Variants in MYH14 observed in about 807,000 individuals in gnomAD.
MYH14 encodes the protein myosin-14.
Under a neutral mutation model 255.5 loss-of-function variants are expected in MYH14, and 123 were observed. That is an observed-to-expected ratio of 0.48 (90% CI 0.42 to 0.56). MYH14 has a LOEUF of 0.56. Ranked by LOEUF, MYH14 falls within the 20% of genes least tolerant of loss-of-function variation. The pLI, the probability that MYH14 is intolerant of heterozygous loss-of-function variation, is 0.00. For synonymous variants in MYH14, 1,095 were observed against 1,161.2 expected, an observed-to-expected ratio of 0.94 and a Z score of 1.16; for missense variants, 2,423 against 2,802.3, an observed-to-expected ratio of 0.86 and a Z score of 3.06.
chr19:50,260,819 G>A lies in MYH14; in HGVS notation c.2424+104G>A, dbSNP rs997502577. ...TGCATATGTGTGCATGCGTGTGTGTGCAAGTGTGTGTGCATGCACGTGTGT... is the reference window on the plus strand; with the variant it reads ...TGCATATGTGTGCATGCGTGTGTGTACAAGTGTGTGTGCATGCACGTGTGT... On this transcript the variant is annotated intron_variant, in intron 20 of 42. Coordinates refer to ENST00000642316, the MANE Select transcript of MYH14 (RefSeq NM_001145809.2). 1.5e-5 allele frequency: 12 copies of A among 799,758 alleles called. 1 individual carries two copies. The African/African-American group carries it at 2.6e-4, about 17-fold the overall frequency. 49.5% of individuals were successfully genotyped at this position (799,758 alleles called of 1,614,324 possible).
In MYH14 at chr19:50,261,517, C is replaced by T; in HGVS notation, c.2467C>T (p.Gln823Ter). ...GGACCCCAACCTCTACCGCGTGGGA[C>T]AGAGCAAGATCTTCTTCCGGGCTGG... ...ELDPNLYRVGQSKIFFRAGVL... is the reference protein window; with the variant it reads ...ELDPNLYRVG The change falls in exon 21 of 43, where the codon CAG (glutamine) becomes TAG (stop). Residue 823 changes from glutamine (Q) to a stop codon, truncating the protein, a stop_gained. Transcript: ENST00000642316. LOFTEE classifies it high-confidence loss of function. 1 of 1,580,158 alleles carries T rather than the reference C, an allele frequency of 6.3e-7. No homozygotes were observed. The highest frequency in any genetic ancestry group is 8.6e-7 in the Non-Finnish European group (1 of 1,168,252).
chr19:50,251,537 C>CT (rs1568500572), intron 15 of MYH14, among the ~76,000 whole-genome samples: 3 of 116,746 alleles, frequency 2.6e-5, no homozygotes, highest in Admixed American at 8.3e-5. Flanking sequence ...CACACACACA[C>CT]ACACACACAC....
intron 20 of MYH14, among the ~76,000 whole-genome samples, 172 bp downstream of exon 20, chr19:50,260,887 ATG>A (rs1191602058): frequency 1.4e-5 from 2 of 146,224 alleles, no homozygotes; most frequent in Non-Finnish European, 3.1e-5. Context: ...GTGTGTGTGC[ATG>A]TGTGTGTGTG....
Position 50,286,635 on chromosome 19 carries a change from C to G in MYH14, c.4693C>G (p.Arg1565Gly). The G allele has an allele frequency of 6.3e-7, 1 of 1,592,284 alleles. No individual in the cohort carries two copies. The highest frequency in any genetic ancestry group is 8.5e-7 in the Non-Finnish European group (1 of 1,169,906). ...EAREELERQN[R>G]ALRAELEALL... The stretch of plus-strand genomic sequence containing the variant: ...ACGTGAGGAGCTGGAGCGGCAGAAC[C>G]GGGCCCTGCGGGCTGAGCTGGAGGC... The change falls in exon 34 of 43, where the codon CGG becomes GGG. Residue 1565 changes from arginine to glycine, a missense_variant. By Grantham distance (125) the Arg-to-Gly change is moderately radical (BLOSUM62 -2). Around this residue, in one of 3 missense-constraint regions of MYH14, gnomAD observed 1,513 missense variants for 1,674.8 expected, o/e 0.90. Transcript: ENST00000642316.
In MYH14 at chr19:50,252,314, C is replaced by T. The variant is rs1418362157; in HGVS notation, c.1831-325C>T. 6.6e-6 allele frequency among the ~76,000 whole-genome samples: 1 copy of T among 152,134 alleles called. No individual in the cohort carries two copies. Among genetic ancestry groups the T allele is most frequent in the Admixed American group, 6.5e-5 (1 of 15,268 alleles). The stretch of plus-strand genomic sequence containing the variant: ...AGACAGAACCCCAGGTGGCAGGAAC[C>T]GCAGGGGTAAAACCCCGAGGTGGGA... On this transcript the variant is annotated intron_variant, in intron 15 of 42. Coordinates refer to ENST00000642316, the MANE Select transcript of MYH14 (RefSeq NM_001145809.2). The surrounding 1 kb of genome is among the most constrained non-coding windows in gnomAD (Gnocchi z 4.2).
At chr19:50,303,345 C>T (rs558326125) in intron 40 of MYH14, among the ~76,000 whole-genome samples, 1 of 152,230 alleles carries the variant, frequency 6.6e-6, no homozygotes, top group South Asian at 2.1e-4. Context: ...CTTGTCTCTG[C>T]TCTATGTGGC....
rs1183310888 is a variant in MYH14 at position 50,210,561 on chromosome 19, G to A, written c.196G>A (p.Glu66Lys). Residue 66 changes from glutamate (E) to lysine (K), a missense_variant, in exon 2 of 43, where the codon GAG (glutamate) becomes AAG (lysine). Transcript: ENST00000642316. ...VWVPSELHGF[E>K]AAALRDEGEE... ...GGTGCCTTCGGAGCTTCACGGGTTC[G>A]AGGCGGCGGCGCTGCGGGACGAAGG... 1 of 1,582,070 alleles carries A rather than the reference G, an allele frequency of 6.3e-7. No homozygotes were observed. Among genetic ancestry groups the A allele is most frequent in the Non-Finnish European group, 8.6e-7 (1 of 1,165,240 alleles).
At chr19:50,251,395 C>T (rs1024745384) in intron 15 of MYH14, among the ~76,000 whole-genome samples, 1 of 152,002 alleles carries the variant, frequency 6.6e-6, no homozygotes. Context: ...TTCGAGGGCT[C>T]TCTTGCCCCC....
chr19:50,265,475 G>T (rs1201567428), intron 22 of MYH14, among the ~76,000 whole-genome samples: 1 of 152,124 alleles, frequency 6.6e-6, no homozygotes, highest in Non-Finnish European at 1.5e-5. Flanking sequence ...TCGCATCACT[G>T]CACTACAGCT....
At chr19:50,205,067 A>G (rs1299704149) in intron 1 of MYH14, among the ~76,000 whole-genome samples, 2 of 151,994 alleles carry the variant, frequency 1.3e-5, no homozygotes, top group Non-Finnish European at 2.9e-5. Flanking sequence ...CTTACTGTCT[A>G]TAGATTTTGT....
intron 1 of MYH14, among the ~76,000 whole-genome samples, chr19:50,206,135 A>G (rs1194142966): frequency 6.6e-6 from 1 of 151,740 alleles, no homozygotes; most frequent in East Asian, 2.0e-4. Context: ...GCTGTGATCC[A>G]TCTTCAGAAC....
chr19:50,234,975 A>G (rs2033590910), intron 10 of MYH14, among the ~76,000 whole-genome samples: 1 of 152,152 alleles, frequency 6.6e-6, no homozygotes, highest in African/African-American at 2.4e-5. Flanking sequence ...AAAGACACAT[A>G]TTATTTGTCT....
intron 10 of MYH14, among the ~76,000 whole-genome samples, chr19:50,239,417 G>C (rs673169): frequency 1.3e-5 from 2 of 152,204 alleles, no homozygotes; most frequent in Admixed American, 6.5e-5. Context: ...TTTGACACTT[G>C]GGAAGATTAC....
chr19:50,214,787 C>A (rs1363274856), intron 2 of MYH14, among the ~76,000 whole-genome samples: 1 of 151,988 alleles, frequency 6.6e-6, no homozygotes, highest in African/African-American at 2.4e-5. Flanking sequence ...TCCCACCCGC[C>A]CCCGTCCAAA....
Position 50,276,956 on chromosome 19 carries a change from C to A in MYH14, c.3825+55C>A. 2.1e-6 allele frequency: 3 copies of A among 1,433,020 alleles called. No homozygotes were observed. Among genetic ancestry groups the A allele is most frequent in the Non-Finnish European group, 2.9e-6 (3 of 1,047,184 alleles). 88.8% of individuals were successfully genotyped at this position (1,433,020 alleles called of 1,614,324 possible). A position where few individuals can be genotyped will look rare whatever the true frequency, so the allele number is the denominator to read the frequency against. ...GGGCCACGGGGAGGGCAGGGCAGGA[C>A]GCGGGGTTGGAGGAGGTACCGCTGG... On this transcript the variant is annotated intron_variant, in intron 29 of 42. Coordinates refer to ENST00000642316, the MANE Select transcript of MYH14 (RefSeq NM_001145809.2). This position sits in a 1 kb window ranked among gnomAD's most constrained non-coding sequence, Gnocchi z 4.3.
chr19:50,251,743 A>G (rs1296282199), intron 15 of MYH14, among the ~76,000 whole-genome samples: 2 of 151,834 alleles, frequency 1.3e-5, no homozygotes, highest in South Asian at 2.1e-4. Context: ...ATGCCTGGCT[A>G]ATTTTTGTAT....
In MYH14 at chr19:50,250,558, G is replaced by A; in HGVS notation, c.1700G>A (p.Trp567Ter). Residue 567 changes from tryptophan to a stop codon, truncating the protein, a stop_gained, in exon 15 of 43, where the codon TGG (tryptophan) becomes TAG (stop). Transcript: ENST00000642316. LOFTEE classifies it high-confidence loss of function. This position sits in a 1 kb window ranked among gnomAD's most constrained non-coding sequence, Gnocchi z 5.4. ...GLLALLDEEC[W>*]FPKATDKSFV... ...CTGGCCCTGCTGGATGAGGAGTGCT[G>A]GTTCCCGAAGGCCACAGACAAGTCG... is the stretch of plus-strand genomic sequence containing the variant. The A allele has an allele frequency of 6.2e-7, 1 of 1,613,894 alleles. No individual in the cohort carries two copies. Among genetic ancestry groups the A allele is most frequent in the Non-Finnish European group, 8.5e-7 (1 of 1,179,910 alleles).
chr19:50,222,279 G>C (rs1172550556), intron 3 of MYH14, among the ~76,000 whole-genome samples: 1 of 152,012 alleles, frequency 6.6e-6, no homozygotes, highest in Non-Finnish European at 1.5e-5. Context: ...AGGAGATCGA[G>C]ACCATCCTGG....
chr19:50,229,641 A>AAAAAC (rs373430641), intron 8 of MYH14, among the ~76,000 whole-genome samples: 41 of 152,220 alleles, frequency 2.7e-4, no homozygotes, highest in African/African-American at 7.7e-4. Flanking sequence ...CCCTGTCTAA[A>AAAAAC]AAAACAAAAC....
Sources: allele counts gnomAD v4.1 joint callset (sites outside exome capture counted in the v4.1 genomes callset), GRCh38; gene constraint gnomAD v4.1.1; regional missense constraint gnomAD v4.1.1; non-coding constraint Gnocchi (gnomAD v3.1); transcripts MANE v1.5; gene names NCBI Gene and HGNC (gene_info 2026-07-23, HGNC 2026-07-21).